Variants in MACROD2 observed in about 807,000 individuals in gnomAD.
MACROD2 encodes mono-ADP ribosylhydrolase 2.
Under a neutral mutation model 70.4 loss-of-function variants are expected in MACROD2, and 36 were observed. The observed-to-expected ratio is 0.51, with a 90% CI of 0.39 to 0.68. MACROD2 has a LOEUF of 0.68. Ranked by LOEUF, MACROD2 falls within the 30% of genes least tolerant of loss-of-function variation. MACROD2 has a pLI of 0.00. For synonymous variants in MACROD2, 172 were observed against 178.8 expected, an observed-to-expected ratio of 0.96 and a Z score of 0.30; for missense variants, 496 against 538.4, an observed-to-expected ratio of 0.92 and a Z score of 0.78.
intron 7 of MACROD2, among the ~76,000 whole-genome samples, chr20:15,472,766 C>A (rs915316815): frequency 6.6e-6 from 1 of 152,010 alleles, no homozygotes; most frequent in Non-Finnish European, 1.5e-5. Context: ...ATGTTCTTTC[C>A]CATAACTAAA....
intron 5 of MACROD2, among the ~76,000 whole-genome samples, chr20:14,850,882 G>C (rs772616606): frequency 2.0e-5 from 3 of 152,086 alleles, no homozygotes; most frequent in Non-Finnish European, 4.4e-5. Flanking sequence ...ATATAAAAAA[G>C]ATAATAGTGT....
At chr20:15,375,118 A>G (rs190334292) in intron 6 of MACROD2, among the ~76,000 whole-genome samples, 86 of 152,350 alleles carry the variant, frequency 5.6e-4, no homozygotes, top group Non-Finnish European at 8.4e-4. Flanking sequence ...AACTGTCTAT[A>G]TAAATCATTT....
At position 14,802,611 on chromosome 20, in the gene MACROD2, A is replaced by G. The variant is rs561489190; in HGVS notation, c.418+117652A>G. 4.1e-4 allele frequency among the ~76,000 whole-genome samples: 63 copies of G among 152,186 alleles called. 1 individual carries two copies. Among genetic ancestry groups the G allele is most frequent in the Non-Finnish European group, 7.9e-4 (54 of 68,000 alleles). On this transcript the variant is annotated intron_variant, in intron 5 of 17. Transcript: ENST00000684519. Reference sequence around the variant, plus strand: ...ATAACAATATTTTTGAAATAAAAATATATAATATGCATACCTTCTATGAAG... The same window carrying G: ...ATAACAATATTTTTGAAATAAAAATGTATAATATGCATACCTTCTATGAAG...
chr20:15,921,257 C>T (rs1214590922), intron 10 of MACROD2, among the ~76,000 whole-genome samples: 1 of 152,184 alleles, frequency 6.6e-6, no homozygotes, highest in Non-Finnish European at 1.5e-5. Flanking sequence ...TACTGTGACT[C>T]CCCAAATGTA....
At chr20:14,811,025 A>T (rs1003387167) in intron 5 of MACROD2, among the ~76,000 whole-genome samples, 4 of 152,158 alleles carry the variant, frequency 2.6e-5, no homozygotes, top group African/African-American at 9.7e-5. Flanking sequence ...AAAGTAATTT[A>T]TAGATTCAAT....
chr20:15,890,223 T>C (rs960782913), intron 10 of MACROD2, among the ~76,000 whole-genome samples: 4 of 152,138 alleles, frequency 2.6e-5, no homozygotes, highest in Admixed American at 2.6e-4. Flanking sequence ...ATGTGGCACA[T>C]GGAAGTCTTT....
intron 5 of MACROD2, among the ~76,000 whole-genome samples, chr20:15,014,283 A>T (rs1307643257): frequency 2.6e-5 from 4 of 152,116 alleles, no homozygotes; most frequent in Non-Finnish European, 5.9e-5. Context: ...TTCCCATCCC[A>T]TTTCAAATGT....
intron 5 of MACROD2, among the ~76,000 whole-genome samples, chr20:14,718,533 A>G (rs573918660): frequency 6.6e-6 from 1 of 152,120 alleles, no homozygotes; most frequent in Non-Finnish European, 1.5e-5. Flanking sequence ...CAACCTGGCT[A>G]TCCCTTTGAG....
intron 5 of MACROD2, among the ~76,000 whole-genome samples, chr20:14,770,941 T>G (rs2072157116): frequency 6.6e-6 from 1 of 152,076 alleles, no homozygotes; most frequent in African/African-American, 2.4e-5. Flanking sequence ...CTGTGTCAAC[T>G]TGACTAGATC....
chr20:14,807,826 C>A (rs1379321453), intron 5 of MACROD2, among the ~76,000 whole-genome samples: 1 of 151,784 alleles, frequency 6.6e-6, no homozygotes, highest in African/African-American at 2.4e-5. Flanking sequence ...ATCAATAAAG[C>A]AGAAGAAAGG....
At chr20:14,752,152 A>G (rs2071881222) in intron 5 of MACROD2, among the ~76,000 whole-genome samples, 1 of 146,158 alleles carries the variant, frequency 6.8e-6, no homozygotes, top group Non-Finnish European at 1.5e-5. Flanking sequence ...ACTCATTGCC[A>G]CCCAAATAAA....
At chr20:15,739,202 G>A (rs2051068484) in intron 8 of MACROD2, among the ~76,000 whole-genome samples, 1 of 152,046 alleles carries the variant, frequency 6.6e-6, no homozygotes, top group African/African-American at 2.4e-5. Flanking sequence ...CAGAAGGAGT[G>A]GATTTGTCTG....
intron 3 of MACROD2, among the ~76,000 whole-genome samples, chr20:14,297,178 T>C (rs893348437): frequency 1.3e-5 from 2 of 151,824 alleles, no homozygotes; most frequent in Non-Finnish European, 2.9e-5. Context: ...CTCTGTCCCT[T>C]TCCTCTGGCT....
intron 5 of MACROD2, among the ~76,000 whole-genome samples, chr20:14,791,981 A>G (rs1471427410): frequency 1.3e-5 from 2 of 151,940 alleles, no homozygotes; most frequent in Non-Finnish European, 1.5e-5. Flanking sequence ...TATATTCCCA[A>G]TAAAGAATCC....
intron 8 of MACROD2, among the ~76,000 whole-genome samples, chr20:15,762,459 A>G (rs146590682): frequency 1.1e-3 from 160 of 152,140 alleles, no homozygotes; most frequent in East Asian, 3.5e-3. Flanking sequence ...TTCTACCTAA[A>G]CCTCCCTGTT....
chr20:15,809,876 T>TTTTA (rs1555782133), intron 8 of MACROD2, among the ~76,000 whole-genome samples: 9 of 150,780 alleles, frequency 6.0e-5, no homozygotes, highest in African/African-American at 1.7e-4. Context: ...TTTTTTTTTT[T>TTTTA]ATTATACTTT....
intron 8 of MACROD2, among the ~76,000 whole-genome samples, chr20:15,536,584 G>A (rs895769443): frequency 3.3e-5 from 5 of 152,146 alleles, no homozygotes; most frequent in African/African-American, 1.2e-4. Flanking sequence ...GACCATTTTG[G>A]CATGTTGAAA....
intron 8 of MACROD2, among the ~76,000 whole-genome samples, chr20:15,777,979 A>C (rs537676822): frequency 6.6e-6 from 1 of 152,214 alleles, no homozygotes; most frequent in African/African-American, 2.4e-5. Flanking sequence ...CAACGCTCCC[A>C]ACTCCTAGTC....
intron 5 of MACROD2, among the ~76,000 whole-genome samples, chr20:14,740,198 T>C (rs1010100003): frequency 3.9e-5 from 6 of 152,138 alleles, no homozygotes; most frequent in African/African-American, 1.4e-4. Flanking sequence ...ATTTTGAGCA[T>C]AGTCTCTTAA....
Sources: gnomAD v4.1 joint callset for allele counts (sites outside exome capture counted in the v4.1 genomes callset) on GRCh38, gnomAD v4.1.1 for gene constraint, MANE v1.5 for transcripts, NCBI Gene and HGNC (gene_info 2026-07-23, HGNC 2026-07-21) for gene names.